The following EPHA7 variants were observed in gnomAD, a reference collection of about 807,000 sequenced individuals.
EPHA7 encodes ephrin type-A receptor 7.
EPHA7 carries 25 observed loss-of-function variants against 112.6 expected under a neutral mutation model. The observed-to-expected ratio is 0.22, with a 90% CI of 0.16 to 0.31. The LOEUF (loss-of-function observed/expected upper bound fraction) is 0.31. Among genes scored for constraint, EPHA7 ranks in the 10% least tolerant of loss-of-function variants. EPHA7 has a pLI of 1.00. For synonymous variants in EPHA7, 437 were observed against 406.5 expected (o/e 1.07, Z -0.90); for missense variants, 962 against 1,212.6 (o/e 0.79, Z 3.07).
At chr6:93,381,479 A>C (rs533110188) in intron 3 of EPHA7, among the ~76,000 whole-genome samples, 3 of 152,182 alleles carry the variant, frequency 2.0e-5, no homozygotes, top group Non-Finnish European at 4.4e-5. Context: ...GCCCTTAAAA[A>C]CTAGGATTTT....
chr6:93,358,573 TATGATAG>T (rs1776078246), intron 3 of EPHA7, among the ~76,000 whole-genome samples, 162 bp from the exon 4 acceptor site: 1 of 152,222 alleles, frequency 6.6e-6, no homozygotes, highest in South Asian at 2.1e-4. Flanking sequence ...AGCCAAATGT[TATGATAG>T]TTCATCTTAA....
chr6:93,286,963 T>C (rs1037862817), intron 5 of EPHA7, among the ~76,000 whole-genome samples: 1 of 152,312 alleles, frequency 6.6e-6, no homozygotes, highest in Admixed American at 6.5e-5. Flanking sequence ...TAAAAGACTT[T>C]CAATAACATT....
At chr6:93,370,249 G>A (rs1464518380) in intron 3 of EPHA7, among the ~76,000 whole-genome samples, 3 of 152,110 alleles carry the variant, frequency 2.0e-5, no homozygotes, top group Non-Finnish European at 4.4e-5. Flanking sequence ...TTTCAGGGTT[G>A]TTTCCAAGGC....
intron 3 of EPHA7, among the ~76,000 whole-genome samples, chr6:93,392,363 C>T (rs1343954052): frequency 1.3e-5 from 2 of 151,832 alleles, no homozygotes; most frequent in East Asian, 1.9e-4. Context: ...CTGCTTTCGC[C>T]TGGCTGCCTC....
At chr6:93,398,589 G>GA (rs3839555) in intron 3 of EPHA7, among the ~76,000 whole-genome samples, 12 of 148,490 alleles carry the variant, frequency 8.1e-5, no homozygotes, top group South Asian at 2.1e-4. Flanking sequence ...GATGGAGAAG[G>GA]AAAAAAAAAA....
chr6:93,364,153 CAA>C (rs934317763), intron 3 of EPHA7, among the ~76,000 whole-genome samples: 1 of 152,014 alleles, frequency 6.6e-6, no homozygotes, highest in Non-Finnish European at 1.5e-5. Context: ...GTGACTATAA[CAA>C]AAATCCATAT....
chr6:93,336,755 A>G (rs1774900325), intron 5 of EPHA7, among the ~76,000 whole-genome samples: 1 of 152,040 alleles, frequency 6.6e-6, no homozygotes, highest in Admixed American at 6.6e-5. Context: ...ACCAGTTCCA[A>G]TAGCAGCCAC....
At chr6:93,244,971 G>T (rs925986005) in intron 16 of EPHA7, among the ~76,000 whole-genome samples, 3 of 152,162 alleles carry the variant, frequency 2.0e-5, no homozygotes, top group Admixed American at 1.3e-4. Context: ...TAGAACACCA[G>T]CTATGGAGCC....
At chr6:93,355,774 C>T (rs1246132759) in intron 5 of EPHA7, among the ~76,000 whole-genome samples, 2 of 152,034 alleles carry the variant, frequency 1.3e-5, no homozygotes, top group Non-Finnish European at 2.9e-5. Context: ...TTTCAAGTGC[C>T]AGTAAGAAAA....
rs1771097006 is a variant in EPHA7 at position 93,269,349 on chromosome 6, A to G, written c.1633+128T>C. On this transcript the variant is annotated intron_variant, in intron 7 of 16. Transcript: ENST00000369303. ...ATGAACTTTTACAAAGTACATTTATATGTACATATATATTTATTTGTAAAT... is the reference window on the plus strand; with the variant it reads ...ATGAACTTTTACAAAGTACATTTATGTGTACATATATATTTATTTGTAAAT... The G allele has an allele frequency of 6.3e-6, 4 of 638,224 alleles. No homozygotes were observed. The Admixed American group carries it at 1.5e-4, about 24-fold the overall frequency. 39.5% of individuals were successfully genotyped at this position (638,224 alleles called of 1,614,324 possible). A position where few individuals can be genotyped will look rare whatever the true frequency, so the allele number is the denominator to read the frequency against.
At chr6:93,271,781 T>C (rs1771233118) in intron 6 of EPHA7, among the ~76,000 whole-genome samples, 2 of 151,864 alleles carry the variant, frequency 1.3e-5, no homozygotes, top group African/African-American at 4.8e-5. Flanking sequence ...AAAATAAATT[T>C]CAGGAGGAAT....
chr6:93,411,652 A>G (rs1035241585), intron 2 of EPHA7, among the ~76,000 whole-genome samples: 4 of 152,194 alleles, frequency 2.6e-5, no homozygotes, highest in African/African-American at 9.6e-5. Flanking sequence ...TGAATAAACC[A>G]TTCAACAACC....
At chr6:93,291,920 C>T (rs1772402519) in intron 5 of EPHA7, among the ~76,000 whole-genome samples, 1 of 152,050 alleles carries the variant, frequency 6.6e-6, no homozygotes, top group Admixed American at 6.6e-5. Context: ...TAGCCACACA[C>T]ACATCAAAAT....
chr6:93,347,624 G>C (rs1775466452), intron 5 of EPHA7, among the ~76,000 whole-genome samples: 1 of 151,836 alleles, frequency 6.6e-6, no homozygotes, highest in African/African-American at 2.4e-5. Flanking sequence ...CAGACTGAGG[G>C]GCTTAAATTG....
At chr6:93,412,325 T>C (rs183159849) in intron 2 of EPHA7, among the ~76,000 whole-genome samples, 2 of 152,166 alleles carry the variant, frequency 1.3e-5, no homozygotes, top group East Asian at 3.9e-4. Context: ...GGGTAAATAC[T>C]TTTATTTTAA....
intron 14 of EPHA7, 57 bp downstream of exon 14, chr6:93,254,590 G>T: frequency 6.9e-7 from 1 of 1,455,152 alleles, no homozygotes; most frequent in Non-Finnish European, 9.4e-7. Flanking sequence ...ACATGTTCCA[G>T]TAATACTGGC....
chr6:93,258,530 TGAAGA>T (rs1447542168), intron 10 of EPHA7, among the ~76,000 whole-genome samples: 1 of 151,456 alleles, frequency 6.6e-6, no homozygotes, highest in Non-Finnish European at 1.5e-5. Context: ...AATTAAAACT[TGAAGA>T]TACAGTTCAG....
At chr6:93,283,844 A>C (rs190374396) in intron 5 of EPHA7, among the ~76,000 whole-genome samples, 1 of 152,192 alleles carries the variant, frequency 6.6e-6, no homozygotes, top group Non-Finnish European at 1.5e-5. Context: ...TTTGCTTCAC[A>C]TGTTTATGTG....
At chr6:93,378,431 A>G (rs1396285958) in intron 3 of EPHA7, among the ~76,000 whole-genome samples, 1 of 152,174 alleles carries the variant, frequency 6.6e-6, no homozygotes, top group African/African-American at 2.4e-5. Context: ...GCAAGATGAC[A>G]TGTAAGAAGA....
Sources: allele counts gnomAD v4.1 joint callset (sites outside exome capture counted in the v4.1 genomes callset), GRCh38; gene constraint gnomAD v4.1.1; transcripts MANE v1.5; gene names NCBI Gene and HGNC (gene_info 2026-07-23, HGNC 2026-07-21).